TTC3: variants seen among roughly 807,000 people sequenced by gnomAD.
TTC3 encodes E3 ubiquitin-protein ligase TTC3.
A neutral mutation model predicts 249.6 loss-of-function variants in TTC3; 180 were observed. That is an observed-to-expected ratio of 0.72 (90% confidence interval 0.64 to 0.82). The LOEUF is 0.82. TTC3 is among the 40% of genes least tolerant of loss of function. The pLI is 0.00. For synonymous variants in TTC3, 717 were observed against 805.0 expected (o/e 0.89, Z 1.85); for missense variants, 2,061 against 2,398.4 (o/e 0.86, Z 2.94).
At chr21:37,121,770 C>G (rs774674751) in intron 11 of TTC3, 47 bp from the exon 12 acceptor site, 1 of 1,495,092 alleles carries the variant, frequency 6.7e-7, no homozygotes. Flanking sequence ...TTTTCTTTAA[C>G]TTAAGCATAT....
Position 37,094,743 on chromosome 21 carries a change from A to G in TTC3, c.688-607A>G, listed in dbSNP as rs116821547. 8.3e-3 allele frequency among the ~76,000 whole-genome samples: 1,270 copies of G among 152,302 alleles called. 11 individuals are homozygous for G. The highest frequency in any genetic ancestry group is 0.029 in the African/African-American group (1,208 of 41,550). On this transcript the variant is annotated intron_variant, in intron 8 of 45. Coordinates refer to ENST00000355666, the Ensembl canonical transcript of TTC3. Reference sequence around the variant, plus strand: ...AAGTGGGTCTGCCAAATACCGCACAAAATTTTAGCAATTATTCATAAGGTG... The same window carrying G: ...AAGTGGGTCTGCCAAATACCGCACAGAATTTTAGCAATTATTCATAAGGTG...
chr21:37,143,770 G>A (rs1286434925), intron 20 of TTC3, among the ~76,000 whole-genome samples: 1 of 141,816 alleles, frequency 7.1e-6, no homozygotes, highest in Non-Finnish European at 1.5e-5. Flanking sequence ...TATAAATCAT[G>A]CTGCTATAAA....
chr21:37,140,257 C>T (rs1569028863), intron 19 of TTC3, among the ~76,000 whole-genome samples: 3 of 152,064 alleles, frequency 2.0e-5, no homozygotes, highest in Middle Eastern at 3.2e-3. Context: ...AACAAAAACA[C>T]GATTTGACTC....
chr21:37,166,864 A>T (rs1202943202), intron 33 of TTC3, among the ~76,000 whole-genome samples: 1 of 152,214 alleles, frequency 6.6e-6, no homozygotes, highest in African/African-American at 2.4e-5. Flanking sequence ...AGATTGAGAA[A>T]TAAGACAGCA....
At chr21:37,075,419 TACACC>T (rs2070711906) in intron 1 of TTC3, among the ~76,000 whole-genome samples, 2 of 152,358 alleles carry the variant, frequency 1.3e-5, no homozygotes, top group East Asian at 3.9e-4. Flanking sequence ...CTGTAGGAAG[TACACC>T]TAAGTAGTAG....
At chr21:37,148,456 C>A in intron 22 of TTC3, 90 bp from the exon 23 acceptor site, 1 of 563,388 alleles carries the variant, frequency 1.8e-6, no homozygotes, top group South Asian at 4.1e-5. Flanking sequence ...ATATGTTAGT[C>A]AAGCTCTCTC....
intron 45 of TTC3, among the ~76,000 whole-genome samples, chr21:37,200,556 C>T (rs2085392416): frequency 6.6e-6 from 1 of 152,170 alleles, no homozygotes; most frequent in Admixed American, 6.5e-5. Context: ...GGAACAGCAG[C>T]TCCAGCCACT....
intron 1 of TTC3, among the ~76,000 whole-genome samples, chr21:37,081,092 G>A (rs998340109): frequency 2.1e-5 from 3 of 143,092 alleles, no homozygotes; most frequent in Admixed American, 1.4e-4. Context: ...AAAGTGTGCT[G>A]CCAGTTTTAT....
intron 35 of TTC3, among the ~76,000 whole-genome samples, chr21:37,176,361 A>G (rs116250722): frequency 4.8e-4 from 73 of 152,340 alleles, no homozygotes; most frequent in African/African-American, 1.7e-3. Flanking sequence ...ATATTTATTA[A>G]TCAGTCACTC....
intron 5 of TTC3, among the ~76,000 whole-genome samples, chr21:37,090,020 CTAAGT>C (rs1392868270): frequency 2.0e-5 from 3 of 151,788 alleles, no homozygotes; most frequent in Admixed American, 6.6e-5. Context: ...AAAGATTATA[CTAAGT>C]TATTTTACTG....
At chr21:37,103,154 C>T (rs2074684181) in intron 10 of TTC3, among the ~76,000 whole-genome samples, 1 of 152,110 alleles carries the variant, frequency 6.6e-6, no homozygotes, top group South Asian at 2.1e-4. Context: ...AGCAAATCCA[C>T]ATGGAAACTA....
At chr21:37,109,470 C>T (rs544333337) in intron 11 of TTC3, among the ~76,000 whole-genome samples, 1 of 152,334 alleles carries the variant, frequency 6.6e-6, no homozygotes, top group South Asian at 2.1e-4. Flanking sequence ...ATTGCTAGCA[C>T]AGCAGTCTGA....
intron 44 of TTC3, among the ~76,000 whole-genome samples, chr21:37,199,649 T>C (rs2085293824): frequency 6.6e-6 from 1 of 152,228 alleles, no homozygotes; most frequent in Admixed American, 6.5e-5. Context: ...AAGAAAAAGA[T>C]TAAATCTCCC....
At chr21:37,133,638 C>A (rs1355584903) in intron 17 of TTC3, among the ~76,000 whole-genome samples, 1 of 152,114 alleles carries the variant, frequency 6.6e-6, no homozygotes, top group Non-Finnish European at 1.5e-5. Flanking sequence ...AGATTGGGTG[C>A]ACAGTGATAT....
chr21:37,167,465 TG>T, intron 33 of TTC3, 89 bp from the exon 34 acceptor site: 1 of 904,988 alleles, frequency 1.1e-6, no homozygotes. Context: ...GAAAAAATTG[TG>T]GGTGTGTTTT....
rs773622574 is a variant in TTC3 at position 37,166,159 on chromosome 21, A to G, written c.3945A>G (p.Thr1315=). Reference sequence around the variant, plus strand: ...ATTGGGCTCAATCCCATTTGGTCACAGGATACTGTACGTATCTTCCTTTCC... The same window carrying G: ...ATTGGGCTCAATCCCATTTGGTCACGGGATACTGTACGTATCTTCCTTTCC... The change falls in exon 33 of 46, where the codon ACA becomes ACG. Residue 1315 remains threonine, a synonymous_variant. Transcript: ENST00000355666. 6 of 1,614,098 alleles carry G rather than the reference A, an allele frequency of 3.7e-6. No homozygotes were observed. The Admixed American group carries it at 5.0e-5, about 13-fold the overall frequency.
chr21:37,193,568 G>A (rs2084471261), intron 41 of TTC3, among the ~76,000 whole-genome samples: 1 of 152,182 alleles, frequency 6.6e-6, no homozygotes, highest in African/African-American at 2.4e-5. Context: ...ATATTTTACT[G>A]TTAGTTTGTA....
At chr21:37,182,658 C>T in intron 35 of TTC3, 116 bp from the exon 36 acceptor site, 1 of 1,078,896 alleles carries the variant, frequency 9.3e-7, no homozygotes, top group Non-Finnish European at 1.3e-6. Flanking sequence ...GGAGTGTGTT[C>T]CACTGAACTT....
chr21:37,191,338 C>T (rs61740519), exon 40 of TTC3: 43,760 of 1,577,062 alleles, frequency 0.028, 736 homozygotes, highest in Middle Eastern at 0.049. Context: ...TTTCAGTGAT[C>T]CTGCAGCATA....
Sources: gnomAD v4.1 joint callset for allele counts (sites outside exome capture counted in the v4.1 genomes callset) on GRCh38, gnomAD v4.1.1 for gene constraint, MANE v1.5 for transcripts, NCBI Gene and HGNC (gene_info 2026-07-23, HGNC 2026-07-21) for gene names.